Variants in PHC2 observed in about 807,000 individuals in gnomAD.
The protein encoded by PHC2 is polyhomeotic homolog 2, also known as polyhomeotic-like protein 2.
A neutral mutation model predicts 87.4 loss-of-function variants in PHC2; 29 were observed. That is an observed-to-expected ratio of 0.33 (90% CI 0.25 to 0.45). The LOEUF is 0.45. Ranked by LOEUF, PHC2 falls within the 20% of genes least tolerant of loss-of-function variation. PHC2 has a pLI of 1.00. For missense variants in PHC2, 857 were observed against 1,136.7 expected (o/e 0.75, Z 3.54); for synonymous variants, 438 against 461.7 (o/e 0.95, Z 0.66).
At position 33,349,952 on chromosome 1, in the gene PHC2, AGCGGG is replaced by A. The variant is rs1375241453; in HGVS notation, c.1558+4444_1558+4448del. 1 of 208,360 alleles carries A rather than the reference AGCGGG, an allele frequency of 4.8e-6. No individual in the cohort carries two copies. Among genetic ancestry groups the A allele is most frequent in the African/African-American group, 3.3e-5 (1 of 30,608 alleles). The allele number at this position is 208,360 out of a possible 1,614,324, so 12.9% of individuals were successfully genotyped here. A position where few individuals can be genotyped will look rare whatever the true frequency, so the allele number is the denominator to read the frequency against. On this transcript the variant is annotated intron_variant, in intron 9 of 14. Transcript: ENST00000683057. This position sits in a 1 kb window ranked among gnomAD's most constrained non-coding sequence, Gnocchi z 4.2. ...GCCTCCGCCGGGGGCGGGGCGAGGG[AGCGGG>A]GCGGGGAGGGGCGGGGCCGCGGGAG...
At chr1:33,340,449 A>AT (rs1325176668) in intron 9 of PHC2, among the ~76,000 whole-genome samples, 1 of 152,218 alleles carries the variant, frequency 6.6e-6, no homozygotes, top group Non-Finnish European at 1.5e-5. Flanking sequence ...CTGCAGAGTG[A>AT]TGCCCAGTTA....
chr1:33,349,111 G>A lies in PHC2; in HGVS notation c.1558+5290C>T, dbSNP rs1184568211. 3.0e-6 allele frequency: 3 copies of A among 985,140 alleles called. No homozygotes were observed. Among genetic ancestry groups the A allele is most frequent in the African/African-American group, 3.5e-5 (2 of 57,260 alleles). The allele number at this position is 985,140 out of a possible 1,614,324, so 61.0% of individuals were successfully genotyped here. A position where few individuals can be genotyped will look rare whatever the true frequency, so the allele number is the denominator to read the frequency against. The stretch of plus-strand genomic sequence containing the variant: ...TTCTAAAAATGGAAGAAAAGACACA[G>A]AACAGCTTGTCCCTTTCCATCCAAT... On this transcript the variant is annotated intron_variant, in intron 9 of 14. Coordinates refer to ENST00000683057, the MANE Select transcript of PHC2 (RefSeq NM_001385109.1). The surrounding 1 kb of genome is among the most constrained non-coding windows in gnomAD (Gnocchi z 4.2).
chr1:33,428,547 A>G (rs1650775652), intron 1 of PHC2, among the ~76,000 whole-genome samples: 1 of 152,352 alleles, frequency 6.6e-6, no homozygotes, highest in South Asian at 2.1e-4. Context: ...AGTTTTGGGG[A>G]TGAGGTCCAC....
At chr1:33,394,329 C>T (rs940032667) in intron 1 of PHC2, among the ~76,000 whole-genome samples, 1 of 151,366 alleles carries the variant, frequency 6.6e-6, no homozygotes, top group African/African-American at 2.4e-5. Context: ...AAAAGGGGAA[C>T]AGCAACAGAA....
intron 13 of PHC2, among the ~76,000 whole-genome samples, chr1:33,329,596 A>G (rs1026586518): frequency 1.3e-5 from 2 of 152,180 alleles, no homozygotes; most frequent in African/African-American, 4.8e-5. Context: ...TGCCTAACAG[A>G]GTTTCTGGCA....
chr1:33,348,989 C>G, intron 9 of PHC2: 1 of 832,202 alleles, frequency 1.2e-6, no homozygotes, highest in South Asian at 5.5e-5. Context: ...CTGTGGACTT[C>G]AGTTTAAATA....
At chr1:33,339,436 G>A (rs891563316) in intron 9 of PHC2, among the ~76,000 whole-genome samples, 5 of 152,180 alleles carry the variant, frequency 3.3e-5, no homozygotes, top group African/African-American at 1.2e-4. Context: ...TGATTATGAA[G>A]AATAAGAGCT....
intron 1 of PHC2, among the ~76,000 whole-genome samples, chr1:33,391,986 G>A (rs775252230): frequency 6.6e-6 from 1 of 152,176 alleles, no homozygotes; most frequent in Non-Finnish European, 1.5e-5. Flanking sequence ...GAGGTTAGAG[G>A]CGAGAAAGCC....
At chr1:33,428,711 C>T (rs549879601) in intron 1 of PHC2, among the ~76,000 whole-genome samples, 2 of 152,290 alleles carry the variant, frequency 1.3e-5, no homozygotes, top group East Asian at 3.9e-4. Flanking sequence ...GCTCTGTTAG[C>T]TAAGACCTCA....
intron 1 of PHC2, among the ~76,000 whole-genome samples, chr1:33,398,215 C>A (rs1649373583): frequency 6.6e-6 from 1 of 152,198 alleles, no homozygotes; most frequent in South Asian, 2.1e-4. Context: ...TCAGATTCCT[C>A]AGCAGGATGT....
intron 1 of PHC2, among the ~76,000 whole-genome samples, chr1:33,406,426 G>C (rs747811561): frequency 6.6e-6 from 1 of 152,040 alleles, no homozygotes; most frequent in Admixed American, 6.6e-5. Context: ...TGTGTGTGGC[G>C]GGGGGTGCAG....
rs1026888996 is a variant in PHC2, at chr1:33,382,121, G to A, written c.-54-6528C>T. 2.0e-5 allele frequency among the ~76,000 whole-genome samples: 3 copies of A among 152,136 alleles called. No individual in the cohort carries two copies. Among genetic ancestry groups the A allele is most frequent in the Non-Finnish European group, 4.4e-5 (3 of 68,032 alleles). ...CTCCTAGTAGAAGGGAACTTGAGTT[G>A]GAAGAAAACATAATTAGTAAGTGTG... On this transcript the variant is annotated intron_variant, in intron 1 of 14. Transcript: ENST00000683057. The surrounding 1 kb of genome is among the most constrained non-coding windows in gnomAD (Gnocchi z 4.3).
chr1:33,414,233 G>A (rs976134134), intron 1 of PHC2, among the ~76,000 whole-genome samples: 1 of 149,840 alleles, frequency 6.7e-6, no homozygotes, highest in African/African-American at 2.5e-5. Flanking sequence ...AAGGTTAACA[G>A]TTGAGGTTGA....
chr1:33,346,656 AAACTTT>A (rs771017666), intron 9 of PHC2: 73 of 985,306 alleles, frequency 7.4e-5, no homozygotes, highest in East Asian at 2.3e-4. Context: ...TAGGTTTTTT[AAACTTT>A]AACTTTATTT....
chr1:33,339,828 T>G (rs1156814532), intron 9 of PHC2, among the ~76,000 whole-genome samples: 1 of 152,236 alleles, frequency 6.6e-6, no homozygotes, highest in Non-Finnish European at 1.5e-5. Context: ...TTTTAGAATA[T>G]TTGCATTATA....
rs1646925688 is a variant in PHC2 at position 33,349,776 on chromosome 1, G to A, written c.1558+4625C>T. 1.0e-6 allele frequency: 1 copy of A among 979,418 alleles called. No homozygotes were observed. The highest frequency in any genetic ancestry group is 1.2e-6 in the Non-Finnish European group (1 of 827,274). The allele number at this position is 979,418 out of a possible 1,614,324, so 60.7% of individuals were successfully genotyped here. ...CACCGGCCTGGCCGGCGTCAACAAAGGGCGGCCGGGGCGCGAGGCCGGGAC... is the reference window on the plus strand; with the variant it reads ...CACCGGCCTGGCCGGCGTCAACAAAAGGCGGCCGGGGCGCGAGGCCGGGAC... On this transcript the variant is annotated intron_variant, in intron 9 of 14. Coordinates refer to ENST00000683057, the MANE Select transcript of PHC2 (RefSeq NM_001385109.1). This position sits in a 1 kb window ranked among gnomAD's most constrained non-coding sequence, Gnocchi z 4.2.
At chr1:33,356,275 A>ATATATATATATATG (rs1222633753) in intron 7 of PHC2, among the ~76,000 whole-genome samples, 2 of 102,794 alleles carry the variant, frequency 1.9e-5, no homozygotes, top group Non-Finnish European at 4.1e-5. Flanking sequence ...ATATATATAT[A>ATATATATATATATG]TGTATATATA....
In PHC2 at chr1:33,354,444, C is replaced by T; in HGVS notation, c.1515G>A (p.Leu505=). The part of the protein sequence containing the change: ...QAIVTAMPGG[L]PVPTSPNIQP... ...GGATGTTAGGGCTCGTGGGTACAGG[C>T]AGGCCACCAGGCATGGCAGTGACAA... Residue 505 remains leucine (L), a synonymous_variant, in exon 9 of 15, where the codon CTG becomes CTA. Transcript: ENST00000683057. 2 of 1,614,046 alleles carry T rather than the reference C, an allele frequency of 1.2e-6. No homozygotes were observed. The highest frequency in any genetic ancestry group is 1.7e-6 in the Non-Finnish European group (2 of 1,180,012).
chr1:33,369,014 C>G lies in PHC2; in HGVS notation c.577-392G>C, dbSNP rs998392190. Among the ~76,000 whole-genome samples, 2 of 152,118 alleles carry G rather than the reference C, an allele frequency of 1.3e-5. No individual in the cohort carries two copies. The highest frequency in any genetic ancestry group is 2.9e-5 in the Non-Finnish European group (2 of 67,992). On this transcript the variant is annotated intron_variant, in intron 5 of 14. Coordinates refer to ENST00000683057, the MANE Select transcript of PHC2 (RefSeq NM_001385109.1). This position sits in a 1 kb window ranked among gnomAD's most constrained non-coding sequence, Gnocchi z 4.7. ...ACCACCTCCTTAGCGTCCTGGGAAGCGAGATGGATGCCCTAGGACCACCTT... is the reference window on the plus strand; with the variant it reads ...ACCACCTCCTTAGCGTCCTGGGAAGGGAGATGGATGCCCTAGGACCACCTT...
Sources: gnomAD v4.1 joint callset for allele counts (sites outside exome capture counted in the v4.1 genomes callset) on GRCh38, gnomAD v4.1.1 for gene constraint, Gnocchi (gnomAD v3.1) non-coding constraint, MANE v1.5 for transcripts, NCBI Gene and HGNC (gene_info 2026-07-23, HGNC 2026-07-21) for gene names.